Variants in SGIP1 observed in about 807,000 individuals in gnomAD.
SGIP1 encodes the protein SH3-containing GRB2-like protein 3-interacting protein 1.
Under a neutral mutation model 107.5 loss-of-function variants are expected in SGIP1, and 38 were observed. The observed-to-expected ratio is 0.35, with a 90% CI of 0.27 to 0.46. The LOEUF (loss-of-function observed/expected upper bound fraction) is 0.46. SGIP1 is among the 20% of genes least tolerant of loss of function. SGIP1 has a pLI of 1.00. For synonymous variants in SGIP1, 365 were observed against 366.1 expected (o/e 1.00, Z 0.03); for missense variants, 929 against 1,019.5 (o/e 0.91, Z 1.21).
At chr1:66,582,355 G>C (rs1189310953) in intron 1 of SGIP1, among the ~76,000 whole-genome samples, 1 of 152,060 alleles carries the variant, frequency 6.6e-6, no homozygotes, top group Non-Finnish European at 1.5e-5. Context: ...AATGAAGGTA[G>C]AAGAACCTTA....
intron 2 of SGIP1, among the ~76,000 whole-genome samples, chr1:66,629,933 G>T (rs552480587): frequency 6.6e-6 from 1 of 152,214 alleles, no homozygotes; most frequent in Non-Finnish European, 1.5e-5. Context: ...TAGCCCTATG[G>T]GATATATGCT....
At chr1:66,684,285 C>T in intron 15 of SGIP1, 1 of 1,497,576 alleles carries the variant, frequency 6.7e-7, no homozygotes, top group African/African-American at 1.4e-5. Context: ...TGACTACTGA[C>T]ACCCATCTAC....
At chr1:66,536,618 A>T (rs2053671356) in intron 1 of SGIP1, among the ~76,000 whole-genome samples, 3 of 152,210 alleles carry the variant, frequency 2.0e-5, no homozygotes. Context: ...CAGCCTCTGT[A>T]CATCTACCAC....
intron 1 of SGIP1, among the ~76,000 whole-genome samples, chr1:66,536,194 G>A (rs1240567184): frequency 2.0e-5 from 3 of 152,252 alleles, no homozygotes; most frequent in Admixed American, 1.3e-4. Context: ...CTATTGCTCT[G>A]GGTTTGCCAA....
intron 24 of SGIP1, among the ~76,000 whole-genome samples, chr1:66,742,369 T>A (rs1325730917): frequency 1.3e-5 from 2 of 151,950 alleles, no homozygotes; most frequent in African/African-American, 2.4e-5. Context: ...CTGGTTTTTT[T>A]ATGTCTATTG....
At position 66,710,895 on chromosome 1, in the gene SGIP1, G is replaced by A. The variant is rs115877079; in HGVS notation, c.1631-8399G>A. 7.7e-3 allele frequency among the ~76,000 whole-genome samples: 1,178 copies of A among 152,190 alleles called. 19 individuals carry two copies. Among genetic ancestry groups the A allele is most frequent in the African/African-American group, 0.027 (1,122 of 41,530 alleles). ...CTTCAAAAGAAAGACAAGAAACTAA[G>A]AGACCCTCGGAATAATGTATAAAAC... On this transcript the variant is annotated intron_variant, in intron 18 of 24. Transcript: ENST00000371037.
chr1:66,604,000 T>C (rs1370426562), intron 1 of SGIP1, among the ~76,000 whole-genome samples: 1 of 152,182 alleles, frequency 6.6e-6, no homozygotes, highest in African/African-American at 2.4e-5. Context: ...ATTCCATAAT[T>C]GATCAGAGAA....
At chr1:66,608,870 G>T (rs1276773020) in intron 1 of SGIP1, among the ~76,000 whole-genome samples, 1 of 151,800 alleles carries the variant, frequency 6.6e-6, no homozygotes, top group Non-Finnish European at 1.5e-5. Context: ...GTATTTTTAG[G>T]GTGTTTGCTG....
At chr1:66,732,959 C>T (rs485122) in intron 20 of SGIP1, among the ~76,000 whole-genome samples, 94,414 of 151,962 alleles carry the variant, frequency 0.62, 30,253 homozygotes, top group Non-Finnish European at 0.71. Flanking sequence ...CCTCATTATA[C>T]GGGAAATGAG....
chr1:66,628,372 C>A (rs1003433700), intron 2 of SGIP1: 3 of 154,572 alleles, frequency 1.9e-5, no homozygotes, highest in Non-Finnish European at 4.4e-5. Flanking sequence ...CTTTACTTTG[C>A]TGGGCCTCAG....
At chr1:66,733,684 C>T (rs940673659) in intron 20 of SGIP1, 64 bp from the exon 21 acceptor site, 1 of 1,538,884 alleles carries the variant, frequency 6.5e-7, no homozygotes, top group Non-Finnish European at 8.8e-7. Context: ...TGCTAAGATG[C>T]TTCGTGTAGG....
At chr1:66,537,900 C>T (rs1370778537) in intron 1 of SGIP1, among the ~76,000 whole-genome samples, 1 of 151,822 alleles carries the variant, frequency 6.6e-6, no homozygotes, top group African/African-American at 2.4e-5. Flanking sequence ...TGTTTTTGAC[C>T]CTCTAGGAAC....
At chr1:66,677,879 A>G (rs11208944) in intron 13 of SGIP1, among the ~76,000 whole-genome samples, 49,534 of 152,130 alleles carry the variant, frequency 0.33, 9,015 homozygotes, top group East Asian at 0.79. Context: ...TTGGGCTCAC[A>G]TACAGACCAA....
intron 1 of SGIP1, among the ~76,000 whole-genome samples, chr1:66,559,372 C>T (rs2058619134): frequency 6.6e-6 from 1 of 152,030 alleles, no homozygotes; most frequent in South Asian, 2.1e-4. Context: ...CTATAAGTAG[C>T]CTGGCTTAAC....
At chr1:66,620,317 T>A (rs996502687) in intron 1 of SGIP1, among the ~76,000 whole-genome samples, 6 of 152,228 alleles carry the variant, frequency 3.9e-5, no homozygotes, top group Admixed American at 2.6e-4. Context: ...AAAAGTTTTT[T>A]AAAAAAATGT....
chr1:66,678,405 C>A (rs1246019349), intron 13 of SGIP1, among the ~76,000 whole-genome samples: 4 of 152,244 alleles, frequency 2.6e-5, no homozygotes, highest in African/African-American at 9.6e-5. Context: ...TGCATTATAT[C>A]ATTCTGCTCA....
chr1:66,560,906 G>A (rs988560816), intron 1 of SGIP1, among the ~76,000 whole-genome samples: 2 of 151,938 alleles, frequency 1.3e-5, no homozygotes, highest in Non-Finnish European at 2.9e-5. Flanking sequence ...AATGTTAAGC[G>A]TGCATATAAA....
At chr1:66,604,003 T>C (rs1468603344) in intron 1 of SGIP1, among the ~76,000 whole-genome samples, 3 of 152,166 alleles carry the variant, frequency 2.0e-5, no homozygotes, top group African/African-American at 7.2e-5. Flanking sequence ...CCATAATTGA[T>C]CAGAGAATAA....
At position 66,689,169 on chromosome 1, in the gene SGIP1, C is replaced by A. The variant is rs2089254053; in HGVS notation, c.1337C>A (p.Pro446Gln). 6.2e-7 allele frequency: 1 copy of A among 1,613,484 alleles called. No homozygotes were observed. Among genetic ancestry groups the A allele is most frequent in the African/African-American group, 1.3e-5 (1 of 74,946 alleles). The change falls in exon 16 of 25, where the codon CCA becomes CAA. Residue 446 changes from proline to glutamine, a missense_variant. Physicochemically the swap from Pro to Gln is moderately conservative, Grantham distance 76. Coordinates refer to ENST00000371037, the MANE Select transcript of SGIP1 (RefSeq NM_032291.4). ...TTSGASSPARPATPLVPCRST... is the reference protein window; with the variant it reads ...TTSGASSPARQATPLVPCRST... ...TCAGGTGCATCATCCCCTGCTCGACCAGCCACTCCTTTGGTTCCTTGCAGA... is the reference window on the plus strand; with the variant it reads ...TCAGGTGCATCATCCCCTGCTCGACAAGCCACTCCTTTGGTTCCTTGCAGA...
Sources: allele counts gnomAD v4.1 joint callset (sites outside exome capture counted in the v4.1 genomes callset), GRCh38; gene constraint gnomAD v4.1.1; transcripts MANE v1.5; gene names NCBI Gene and HGNC (gene_info 2026-07-23, HGNC 2026-07-21).